IKZF4: variants seen among roughly 807,000 people sequenced by gnomAD.
The protein encoded by IKZF4 is IKAROS family zinc finger 4.
A neutral mutation model predicts 47.7 loss-of-function variants in IKZF4; 11 were observed. That is an observed-to-expected ratio of 0.23 (90% CI 0.15 to 0.38). The LOEUF (loss-of-function observed/expected upper bound fraction) is 0.38, where lower values mean the gene tolerates loss of function less well. IKZF4 is among the 10% of genes least tolerant of loss of function. The probability of loss-of-function intolerance (pLI) is 1.00; values close to 1 mark genes in which losing one functional copy is unlikely to be tolerated. For synonymous variants in IKZF4, 298 were observed against 299.4 expected (o/e 1.00, Z 0.05); for missense variants, 557 against 784.9 (o/e 0.71, Z 3.47).
chr12:56,026,763 C>T lies in IKZF4; in HGVS notation c.287-18C>T. On this transcript the variant is annotated intron_variant, in intron 3 of 7. Coordinates refer to ENST00000547167, the MANE Select transcript of IKZF4 (RefSeq NM_022465.4). ...CCCCTTTGCCTCTCTCTATTCTAAA[C>T]ACCATCCCACCCCTCAGCCAACTCC... 2.6e-6 allele frequency: 4 copies of T among 1,509,680 alleles called. No individual in the cohort carries two copies. The highest frequency in any genetic ancestry group is 3.6e-6 in the Non-Finnish European group (4 of 1,124,702). 93.5% of individuals were successfully genotyped at this position (1,509,680 alleles called of 1,614,324 possible).
chr12:56,023,396 G>A (rs765226386), intron 1 of IKZF4, among the ~76,000 whole-genome samples: 1 of 152,222 alleles, frequency 6.6e-6, no homozygotes, highest in Non-Finnish European at 1.5e-5. Flanking sequence ...AACTGGCTCT[G>A]AGTCTACAAG....
intron 6 of IKZF4, 49 bp downstream of exon 6, chr12:56,032,759 G>A: frequency 1.2e-6 from 2 of 1,602,868 alleles, no homozygotes; most frequent in Non-Finnish European, 1.7e-6. Context: ...ATGGTGAGAG[G>A]GAGTGCTAGA....
upstream of IKZF4, among the ~76,000 whole-genome samples, chr12:56,020,730 C>T (rs75143485): frequency 0.02 from 2,969 of 152,238 alleles, 39 homozygotes; most frequent in Non-Finnish European, 0.029. Context: ...TGCCCGGGAT[C>T]TGAAAGGTCT....
intron 1 of IKZF4, chr12:56,007,820 A>G (rs1413395186): frequency 1.8e-5 from 2 of 108,798 alleles, no homozygotes; most frequent in Non-Finnish European, 4.1e-5. Flanking sequence ...TCTGGCGTGA[A>G]GGAGGGGGGA....
upstream of IKZF4, chr12:56,020,920 C>T: frequency 1.0e-6 from 1 of 995,712 alleles, no homozygotes. Context: ...TGTCCGTGTC[C>T]TGGGCCCCAT....
chr12:56,029,771 T>TG (rs972970381), intron 5 of IKZF4: 2 of 152,134 alleles, frequency 1.3e-5, no homozygotes, highest in African/African-American at 4.8e-5. Flanking sequence ...ATGAAGCTGT[T>TG]GGGGGGAAAA....
At chr12:56,017,089 G>T (rs910714527), upstream of IKZF4, among the ~76,000 whole-genome samples, 9 of 151,540 alleles carry the variant, frequency 5.9e-5, no homozygotes, top group Non-Finnish European at 1.3e-4. Context: ...CCTCCCACAG[G>T]CTCCTAAAGA....
chr12:56,011,090 G>A (rs1447401101), intron 1 of IKZF4: 1 of 152,166 alleles, frequency 6.6e-6, no homozygotes, highest in Non-Finnish European at 1.5e-5. Context: ...TCACTTGAGA[G>A]TGCTAACCCT....
upstream of IKZF4, among the ~76,000 whole-genome samples, chr12:56,019,110 G>A (rs941660707): frequency 6.6e-6 from 1 of 152,214 alleles, no homozygotes; most frequent in African/African-American, 2.4e-5. Context: ...CAACTTCTCA[G>A]GAGGCTGAGG....
Position 56,021,067 on chromosome 12 carries a change from T to C in IKZF4, c.-427T>C. 3.1e-6 allele frequency: 4 copies of C among 1,278,898 alleles called. No individual in the cohort carries two copies. Among genetic ancestry groups the C allele is most frequent in the Non-Finnish European group, 4.0e-6 (4 of 1,007,238 alleles). 79.2% of individuals were successfully genotyped at this position (1,278,898 alleles called of 1,614,324 possible). On this transcript the variant is annotated 5_prime_UTR_variant, in exon 1 of 8. Transcript: ENST00000547167. Reference sequence around the variant, plus strand: ...CACACTCTTGCCTCTCTCAGGCATTTGTTGTGCAGTTCCTCTTTGTCTGCT... The same window carrying C: ...CACACTCTTGCCTCTCTCAGGCATTCGTTGTGCAGTTCCTCTTTGTCTGCT...
At chr12:56,028,596 T>C (rs966831019) in intron 5 of IKZF4, among the ~76,000 whole-genome samples, 7 of 150,160 alleles carry the variant, frequency 4.7e-5, no homozygotes, top group Non-Finnish European at 8.9e-5. Context: ...GTTTTTTGTT[T>C]TTTCAAGACG....
Position 56,032,608 on chromosome 12 carries a change from C to G in IKZF4, c.763C>G (p.Arg255Gly). 6.2e-7 allele frequency: 1 copy of G among 1,613,910 alleles called. No individual in the cohort carries two copies. The highest frequency in any genetic ancestry group is 8.5e-7 in the Non-Finnish European group (1 of 1,179,844). Reference sequence around the variant, plus strand: ...GCCCTACAAGTGTAACTACTGTGGCCGGAGCTACAAACAGCAGAGTACCCT... The same window carrying G: ...GCCCTACAAGTGTAACTACTGTGGCGGGAGCTACAAACAGCAGAGTACCCT... The part of the protein sequence containing the change: ...GKPYKCNYCG[R>G]SYKQQSTLEE... The change falls in exon 6 of 8, where the codon CGG becomes GGG. Residue 255 changes from arginine (R) to glycine (G), a missense_variant. Transcript: ENST00000547167.
intron 5 of IKZF4, among the ~76,000 whole-genome samples, chr12:56,028,208 T>C (rs1258212275): frequency 6.6e-6 from 1 of 151,878 alleles, no homozygotes; most frequent in Non-Finnish European, 1.5e-5. Flanking sequence ...GCAAAAGGAA[T>C]AGGAGCAATG....
intron 2 of IKZF4, among the ~76,000 whole-genome samples, chr12:56,013,397 C>T (rs1891584373): frequency 1.3e-5 from 2 of 152,030 alleles, no homozygotes; most frequent in Non-Finnish European, 2.9e-5. Flanking sequence ...GGTTTCGCCA[C>T]GTTGGCCAAG....
At chr12:56,015,598 G>A (rs1412653898) in intron 2 of IKZF4, among the ~76,000 whole-genome samples, 6 of 152,022 alleles carry the variant, frequency 3.9e-5, no homozygotes, top group Non-Finnish European at 8.8e-5. Flanking sequence ...GTTTCACCAC[G>A]TTGGCTAGGC....
chr12:56,008,671 A>ATT (rs11456606), intron 1 of IKZF4, among the ~76,000 whole-genome samples: 2,589 of 124,508 alleles, frequency 0.021, 67 homozygotes, highest in African/African-American at 0.036. Context: ...CTTCCAGGAA[A>ATT]TTTTTTTTTT....
intron 1 of IKZF4, 29 bp downstream of exon 1, chr12:56,021,609 A>AG: frequency 6.4e-7 from 1 of 1,572,432 alleles, no homozygotes; most frequent in Non-Finnish European, 8.6e-7. Flanking sequence ...CGGCTAGTGG[A>AG]GGGAGGAAGG....
chr12:56,033,308 C>G lies in IKZF4; in HGVS notation c.984C>G (p.Pro328=). 6.2e-7 allele frequency: 1 copy of G among 1,614,020 alleles called. No individual in the cohort carries two copies. The highest frequency in any genetic ancestry group is 8.5e-7 in the Non-Finnish European group (1 of 1,179,892). Residue 328 remains proline, a synonymous_variant, in exon 7 of 8, where the codon CCC becomes CCG. Transcript: ENST00000547167. The part of the protein sequence containing the change: ...NSLTKRKRST[P]QKFVGEKQMR... ...TCACCAAACGCAAGCGTTCCACACC[C>G]CAGAAGTTTGTAGGTAAGAATCCAG... is the stretch of plus-strand genomic sequence containing the variant.
At chr12:56,009,033 GTC>G (rs1891045711) in intron 1 of IKZF4, among the ~76,000 whole-genome samples, 2 of 152,028 alleles carry the variant, frequency 1.3e-5, no homozygotes, top group African/African-American at 2.4e-5. Context: ...GAACAAAACT[GTC>G]TATTGTTGTT....
Sources: allele counts gnomAD v4.1 joint callset (sites outside exome capture counted in the v4.1 genomes callset), GRCh38; gene constraint gnomAD v4.1.1; transcripts MANE v1.5; gene names NCBI Gene and HGNC (gene_info 2026-07-23, HGNC 2026-07-21).